The following PCED1B variants were observed in gnomAD, a reference collection of about 807,000 sequenced individuals.
The protein encoded by PCED1B is PC-esterase domain containing 1B, also known as PC-esterase domain-containing protein 1B.
For missense variants in PCED1B, 573 were observed against 573.9 expected, an observed-to-expected ratio of 1.00 and a Z score of 0.02; for synonymous variants, 251 against 246.1, an observed-to-expected ratio of 1.02 and a Z score of -0.19.
chr12:47,085,109 A>T (rs892595715), intron 1 of PCED1B, among the ~76,000 whole-genome samples: 1 of 152,202 alleles, frequency 6.6e-6, no homozygotes, highest in African/African-American at 2.4e-5. Context: ...ACATTATTGC[A>T]CTCCAGCCTG....
At position 47,235,934 on chromosome 12, in the gene PCED1B, T is replaced by C. The variant is rs2137927124; in HGVS notation, c.871T>C (p.Ser291Pro). The change falls in exon 4 of 4, where the codon TCC becomes CCC. Residue 291 changes from serine (S) to proline (P), a missense_variant. Coordinates refer to ENST00000546455, the MANE Select transcript of PCED1B (RefSeq NM_138371.3). ...ANRNHPALPLSPPLPSPTYRP... is the reference protein window; with the variant it reads ...ANRNHPALPLPPPLPSPTYRP... Reference sequence around the variant, plus strand: ...CAGAAATCACCCGGCCTTACCTCTGTCCCCACCCTTACCTTCCCCCACATA... The same window carrying C: ...CAGAAATCACCCGGCCTTACCTCTGCCCCCACCCTTACCTTCCCCCACATA... 6.2e-7 allele frequency: 1 copy of C among 1,611,322 alleles called. No individual in the cohort carries two copies. The highest frequency in any genetic ancestry group is 1.1e-5 in the South Asian group (1 of 90,884).
intron 2 of PCED1B, among the ~76,000 whole-genome samples, chr12:47,119,966 CATAATAATA>C (rs57171859): frequency 2.0e-5 from 3 of 148,218 alleles, no homozygotes; most frequent in African/African-American, 7.5e-5. Flanking sequence ...ACTCTGTCTC[CATAATAATA>C]ATAATAATAA....
chr12:47,218,450 A>G (rs756059533), intron 3 of PCED1B, among the ~76,000 whole-genome samples: 41 of 152,206 alleles, frequency 2.7e-4, no homozygotes, highest in Non-Finnish European at 5.0e-4. Context: ...AAGCAGTGGG[A>G]ACTCAAGTTT....
At chr12:47,113,383 A>AT (rs1939282411) in intron 2 of PCED1B, among the ~76,000 whole-genome samples, 1 of 152,188 alleles carries the variant, frequency 6.6e-6, no homozygotes, top group Non-Finnish European at 1.5e-5. Context: ...ATTTAGTTCA[A>AT]TCTTCACAAC....
intron 2 of PCED1B, among the ~76,000 whole-genome samples, chr12:47,129,168 A>C (rs975939965): frequency 3.9e-5 from 6 of 152,084 alleles, no homozygotes; most frequent in Non-Finnish European, 5.9e-5. Flanking sequence ...CTATCTGTAC[A>C]TCTCAAGTTA....
chr12:47,156,185 A>C (rs559967574), intron 2 of PCED1B, among the ~76,000 whole-genome samples: 1 of 152,262 alleles, frequency 6.6e-6, no homozygotes, highest in East Asian at 1.9e-4. Flanking sequence ...AAACATCTTC[A>C]CCATAGCCAA....
At chr12:47,157,784 G>A (rs1941242905) in intron 2 of PCED1B, among the ~76,000 whole-genome samples, 1 of 152,064 alleles carries the variant, frequency 6.6e-6, no homozygotes, top group Non-Finnish European at 1.5e-5. Flanking sequence ...CTCTGTACCT[G>A]TTACAGAATA....
At chr12:47,119,594 G>C (rs184715053) in intron 2 of PCED1B, among the ~76,000 whole-genome samples, 252 of 152,180 alleles carry the variant, frequency 1.7e-3, no homozygotes, top group Non-Finnish European at 1.6e-3. Flanking sequence ...TATCAGGGAA[G>C]TGAAAAGACA....
intron 2 of PCED1B, among the ~76,000 whole-genome samples, chr12:47,158,955 C>G (rs999861053): frequency 6.6e-6 from 1 of 152,120 alleles, no homozygotes; most frequent in Non-Finnish European, 1.5e-5. Flanking sequence ...CTCTCTATCT[C>G]CATGAACTTT....
At chr12:47,220,193 A>T (rs1388286650) in intron 3 of PCED1B, among the ~76,000 whole-genome samples, 1 of 152,066 alleles carries the variant, frequency 6.6e-6, no homozygotes, top group Non-Finnish European at 1.5e-5. Flanking sequence ...ATTTTTTGAG[A>T]CAGAGTCTCA....
At chr12:47,202,594 T>TAAAAAAAAAAAAAAAAAAAAAAA (rs60769675) in intron 2 of PCED1B, among the ~76,000 whole-genome samples, 3 of 66,676 alleles carry the variant, frequency 4.5e-5, no homozygotes, top group Admixed American at 3.7e-4. Context: ...TAGACATTAG[T>TAAAAAAAAAAAAAAAAAAAAAAA]AAAAAAAAAA....
intron 2 of PCED1B, among the ~76,000 whole-genome samples, chr12:47,108,331 A>G (rs1210921736): frequency 6.6e-6 from 1 of 152,188 alleles, no homozygotes; most frequent in Non-Finnish European, 1.5e-5. Context: ...AAGGACCTAA[A>G]CATACTGGCT....
At chr12:47,211,471 G>A (rs1481095037) in intron 2 of PCED1B, among the ~76,000 whole-genome samples, 2 of 150,340 alleles carry the variant, frequency 1.3e-5, no homozygotes, top group East Asian at 3.9e-4. Context: ...GGCCAACATG[G>A]TGAAACCCCA....
At chr12:47,108,189 T>C (rs1183096498) in intron 2 of PCED1B, among the ~76,000 whole-genome samples, 1 of 152,162 alleles carries the variant, frequency 6.6e-6, no homozygotes, top group Admixed American at 6.5e-5. Flanking sequence ...CTTTTTCCAG[T>C]TGGATAACCC....
intron 2 of PCED1B, among the ~76,000 whole-genome samples, chr12:47,116,614 T>G (rs1326224874): frequency 1.3e-5 from 2 of 152,344 alleles, no homozygotes; most frequent in African/African-American, 2.4e-5. Flanking sequence ...TAATAGGTAG[T>G]TAGATCATTT....
intron 2 of PCED1B, among the ~76,000 whole-genome samples, chr12:47,214,340 C>G (rs1180488556): frequency 6.6e-6 from 1 of 152,110 alleles, no homozygotes; most frequent in Non-Finnish European, 1.5e-5. Context: ...AAATAGCATA[C>G]TATTAAAAAA....
intron 1 of PCED1B, among the ~76,000 whole-genome samples, chr12:47,081,003 A>G (rs1937685994): frequency 6.6e-6 from 1 of 152,218 alleles, no homozygotes; most frequent in Non-Finnish European, 1.5e-5. Context: ...CAAGCACAGA[A>G]GGTGCAAGCC....
intron 2 of PCED1B, among the ~76,000 whole-genome samples, chr12:47,166,614 A>G (rs1174252307): frequency 6.6e-6 from 1 of 152,216 alleles, no homozygotes; most frequent in Non-Finnish European, 1.5e-5. Flanking sequence ...AGAATTTGAA[A>G]TGATGCTCTG....
chr12:47,179,085 T>A (rs1223000879), intron 2 of PCED1B, among the ~76,000 whole-genome samples: 2 of 152,176 alleles, frequency 1.3e-5, no homozygotes, highest in Non-Finnish European at 2.9e-5. Context: ...ATTACCATAA[T>A]TTGCCTTAAT....
Sources: allele counts gnomAD v4.1 joint callset (sites outside exome capture counted in the v4.1 genomes callset), GRCh38; gene constraint gnomAD v4.1.1; transcripts MANE v1.5; gene names NCBI Gene and HGNC (gene_info 2026-07-23, HGNC 2026-07-21).